The following CCT6B variants were observed in gnomAD, a reference collection of about 807,000 sequenced individuals.
CCT6B encodes probable T-complex protein 1 subunit zeta-2.
Under a neutral mutation model 61.5 loss-of-function variants are expected in CCT6B, and 49 were observed. That is an observed-to-expected ratio of 0.80 (90% confidence interval 0.63 to 1.01). The LOEUF is 1.01. CCT6B is among the 50% of genes least tolerant of loss of function. CCT6B has a pLI of 0.00. For synonymous variants in CCT6B, 228 were observed against 214.5 expected (o/e 1.06, Z -0.55); for missense variants, 666 against 634.7 (o/e 1.05, Z -0.53).
intron 10 of CCT6B, among the ~76,000 whole-genome samples, chr17:34,934,134 G>GAAAAAAAAAAAAAAAAAA (rs1280861242): frequency 1.3e-5 from 1 of 75,824 alleles, no homozygotes; most frequent in African/African-American, 4.9e-5. Flanking sequence ...GTTTCAAAAA[G>GAAAAAAAAAAAAAAAAAA]AAAAAAAAAA....
intron 2 of CCT6B, among the ~76,000 whole-genome samples, chr17:34,959,062 T>C (rs2142186551): frequency 6.7e-6 from 1 of 150,336 alleles, no homozygotes; most frequent in South Asian, 2.1e-4. Flanking sequence ...TTTATAAGTA[T>C]GCCTAAGTAT....
At chr17:34,932,575 T>C in intron 10 of CCT6B, 75 bp from the exon 11 acceptor site, 1 of 1,357,068 alleles carries the variant, frequency 7.4e-7, no homozygotes. Context: ...GAAAAGCAAT[T>C]CACTATTTAA....
intron 10 of CCT6B, among the ~76,000 whole-genome samples, chr17:34,932,855 C>T (rs143494972): frequency 1.3e-5 from 2 of 152,234 alleles, no homozygotes; most frequent in African/African-American, 4.8e-5. Flanking sequence ...GATCTTGACT[C>T]ACTCCAACCT....
Position 34,930,956 on chromosome 17 carries a change from C to T in CCT6B, c.1443G>A (p.Leu481=). 6.3e-7 allele frequency: 1 copy of T among 1,581,314 alleles called. No homozygotes were observed. The highest frequency in any genetic ancestry group is 8.7e-7 in the Non-Finnish European group (1 of 1,152,698). Residue 481 remains leucine, a synonymous_variant, in exon 12 of 14, where the codon TTG becomes TTA. Coordinates refer to ENST00000314144, the MANE Select transcript of CCT6B (RefSeq NM_006584.4). ...VESKQLVGVD[L]NTGEPMVAAD... ...TTTCCTTCACTTTCTTACCTGTATT[C>T]AAATCTACGCCCACAAGTTGTTTTG...
intron 5 of CCT6B, chr17:34,949,564 A>G (rs2090268763): frequency 6.6e-6 from 1 of 152,114 alleles, no homozygotes; most frequent in Non-Finnish European, 1.5e-5. Flanking sequence ...GAAGCTAGCT[A>G]GCTGGTACAA....
At chr17:34,943,459 T>C (rs1380395426) in intron 5 of CCT6B, 1 of 152,260 alleles carries the variant, frequency 6.6e-6, no homozygotes, top group Non-Finnish European at 1.5e-5. Flanking sequence ...ATGACCCAAC[T>C]ATTTGATGGT....
At chr17:34,961,107 A>G in intron 1 of CCT6B, 150 bp downstream of exon 1, 1 of 1,013,238 alleles carries the variant, frequency 9.9e-7, no homozygotes, top group Non-Finnish European at 1.4e-6. Context: ...CACCTGCACC[A>G]GGCGAGAAAT....
At chr17:34,945,568 C>T (rs937821788) in intron 5 of CCT6B, among the ~76,000 whole-genome samples, 2 of 152,210 alleles carry the variant, frequency 1.3e-5, no homozygotes, top group African/African-American at 2.4e-5. Context: ...CTAATCCAAA[C>T]CATTTTCATT....
chr17:34,929,973 T>A (rs1374877632), intron 12 of CCT6B, among the ~76,000 whole-genome samples: 3 of 152,224 alleles, frequency 2.0e-5, no homozygotes, highest in Non-Finnish European at 1.5e-5. Context: ...GCCAGTATTC[T>A]CCACCACAGT....
chr17:34,944,669 G>A (rs1049783614), intron 5 of CCT6B, among the ~76,000 whole-genome samples: 6 of 152,268 alleles, frequency 3.9e-5, no homozygotes, highest in African/African-American at 1.4e-4. Flanking sequence ...GCTCACGCCT[G>A]TAATCCCAGC....
Position 34,951,938 on chromosome 17 carries a change from T to C in CCT6B, c.614+12A>G. 1 of 1,338,058 alleles carries C rather than the reference T, an allele frequency of 7.5e-7. No individual in the cohort carries two copies. The highest frequency in any genetic ancestry group is 1.1e-6 in the Non-Finnish European group (1 of 942,338). The allele number at this position is 1,338,058 out of a possible 1,614,324, so 82.9% of individuals were successfully genotyped here. On this transcript the variant is annotated intron_variant, in intron 5 of 13. Coordinates refer to ENST00000314144, the MANE Select transcript of CCT6B (RefSeq NM_006584.4). The stretch of plus-strand genomic sequence containing the variant: ...CTAGAACCCATATGTTGTCAAAGCT[T>C]ATGTAATTTACTTTGTATCTGTTCC...
At chr17:34,935,542 A>G (rs1454017134) in intron 10 of CCT6B, among the ~76,000 whole-genome samples, 1 of 152,222 alleles carries the variant, frequency 6.6e-6, no homozygotes, top group Admixed American at 6.5e-5. Flanking sequence ...GAATCAATCA[A>G]TGTAATTTAC....
chr17:34,961,248 CTGTCTCA>C lies in CCT6B; in HGVS notation c.137+2_137+8del. ...AGCCGCGTAATGGCCGCTCCAACCGCTGTCTCACATTTTCATGGTGCCTTTAGGACCC... is the reference window on the plus strand; with the variant it reads ...AGCCGCGTAATGGCCGCTCCAACCGCCATTTTCATGGTGCCTTTAGGACCC... On this transcript the variant is annotated splice_donor_variant and splice_donor_5th_base_variant and intron_variant, in intron 1 of 13. Coordinates refer to ENST00000314144, the MANE Select transcript of CCT6B (RefSeq NM_006584.4). LOFTEE classifies it high-confidence loss of function. 1 of 1,595,568 alleles carries C rather than the reference CTGTCTCA, an allele frequency of 6.3e-7. No individual in the cohort carries two copies.
intron 2 of CCT6B, 103 bp downstream of exon 2, chr17:34,959,484 C>G: frequency 1.2e-6 from 1 of 848,178 alleles, no homozygotes; most frequent in Non-Finnish European, 1.9e-6. Context: ...TATCTCAAGA[C>G]TGCAGTATTT....
At chr17:34,933,718 A>G (rs1268363711) in intron 10 of CCT6B, among the ~76,000 whole-genome samples, 1 of 152,208 alleles carries the variant, frequency 6.6e-6, no homozygotes, top group East Asian at 1.9e-4. Context: ...TGAAAACACA[A>G]CATATCAAAA....
At chr17:34,928,195 T>A in intron 13 of CCT6B, 78 bp from the exon 14 acceptor site, 1 of 822,462 alleles carries the variant, frequency 1.2e-6, no homozygotes. Flanking sequence ...TTTACCTATG[T>A]AGGGTACTTT....
chr17:34,940,611 G>A lies in CCT6B; in HGVS notation c.896C>T (p.Pro299Leu). ...TTTTGCAAGAGAATCTAAGGAAAATGGATCAATTCCCTATAATCAAATTAA... is the reference window on the plus strand; with the variant it reads ...TTTTGCAAGAGAATCTAAGGAAAATAGATCAATTCCCTATAATCAAATTAA... ...FVVINQKGIDPFSLDSLAKHG... is the reference protein window; with the variant it reads ...FVVINQKGIDLFSLDSLAKHG... Residue 299 changes from proline to leucine, a missense_variant, in exon 8 of 14, where the codon CCA (proline) becomes CTA (leucine). By Grantham distance (98) the Pro-to-Leu change is moderately conservative. Coordinates refer to ENST00000314144, the MANE Select transcript of CCT6B (RefSeq NM_006584.4). The A allele has an allele frequency of 6.6e-7, 1 of 1,513,484 alleles. No homozygotes were observed. Among genetic ancestry groups the A allele is most frequent in the Non-Finnish European group, 9.1e-7 (1 of 1,103,846 alleles). 93.8% of individuals were successfully genotyped at this position (1,513,484 alleles called of 1,614,324 possible).
Position 34,929,046 on chromosome 17 carries a change from A to C in CCT6B, c.1451-12T>G. On this transcript the variant is annotated splice_polypyrimidine_tract_variant and intron_variant, in intron 12 of 13. Transcript: ENST00000314144. ...TACCATTGGCTCACCTGAAAAGTAA[A>C]AACAATTTTCATACCAAAATCTTAG... The C allele has an allele frequency of 1.3e-6, 2 of 1,557,724 alleles. No individual in the cohort carries two copies. Among genetic ancestry groups the C allele is most frequent in the Non-Finnish European group, 1.8e-6 (2 of 1,132,772 alleles).
Position 34,943,810 on chromosome 17 carries a change from G to A in CCT6B, c.615-904C>T, listed in dbSNP as rs1244887215. On this transcript the variant is annotated intron_variant, in intron 5 of 13. Transcript: ENST00000314144. ...TAAATTTAAAAAAAAAAACAACTTG[G>A]CATTAAAAAGAAAAAAAATGGGAGG... 4.0e-5 allele frequency: 6 copies of A among 150,102 alleles called. No homozygotes were observed. The South Asian group carries it at 1.3e-3, about 32-fold the overall frequency. 9.3% of individuals were successfully genotyped at this position (150,102 alleles called of 1,614,324 possible).
Sources: gnomAD v4.1 joint callset for allele counts (sites outside exome capture counted in the v4.1 genomes callset) on GRCh38, gnomAD v4.1.1 for gene constraint, MANE v1.5 for transcripts, NCBI Gene and HGNC (gene_info 2026-07-23, HGNC 2026-07-21) for gene names.